Variants in GRIP2 observed in about 807,000 individuals in gnomAD.
The protein encoded by GRIP2 is glutamate receptor interacting protein 2, also known as glutamate receptor-interacting protein 2.
A neutral mutation model predicts 108.3 loss-of-function variants in GRIP2; 58 were observed. The ratio of observed to expected loss-of-function variants is 0.54; its 90% CI spans 0.43 to 0.67. The LOEUF (loss-of-function observed/expected upper bound fraction) is 0.67, where lower values mean the gene tolerates loss of function less well. Among genes scored for constraint, GRIP2 ranks in the 30% least tolerant of loss-of-function variants. The pLI, the probability that GRIP2 is intolerant of heterozygous loss-of-function variation, is 0.00. For synonymous variants in GRIP2, 586 were observed against 598.2 expected (o/e 0.98, Z 0.30); for missense variants, 1,278 against 1,430.6 (o/e 0.89, Z 1.72).
At chr3:14,524,149 G>A (rs1174778034) in intron 4 of GRIP2, 6 of 574,234 alleles carry the variant, frequency 1.0e-5, no homozygotes, top group South Asian at 2.2e-5. Context: ...CCCCGCTAAA[G>A]GAAAAGCATC....
intron 1 of GRIP2, among the ~76,000 whole-genome samples, chr3:14,530,041 G>A (rs1305790242): frequency 2.0e-5 from 3 of 152,162 alleles, no homozygotes; most frequent in Admixed American, 1.3e-4. Flanking sequence ...GAACCATGGA[G>A]GTATTATAAA....
chr3:14,556,585 C>A (rs1695240053), upstream of GRIP2, among the ~76,000 whole-genome samples: 1 of 152,222 alleles, frequency 6.6e-6, no homozygotes, highest in Admixed American at 6.5e-5. Context: ...GTGATAGGGC[C>A]ACCAGAGTAG....
chr3:14,513,601 G>C, intron 13 of GRIP2, 64 bp downstream of exon 13: 1 of 1,539,454 alleles, frequency 6.5e-7, no homozygotes, highest in Non-Finnish European at 8.8e-7. Flanking sequence ...AGGCGAGGCA[G>C]GATAAAGAGA....
the GRIP2 span, among the ~76,000 whole-genome samples, chr3:14,598,769 ATTC>A: frequency 2.6e-5 from 4 of 151,696 alleles, no homozygotes; most frequent in Non-Finnish European, 5.9e-5. Context: ...CCCTTCCTCT[ATTC>A]TTCTTTCTCT....
chr3:14,568,857 G>C, the GRIP2 span, among the ~76,000 whole-genome samples: 37 of 152,308 alleles, frequency 2.4e-4, 1 homozygote, highest in African/African-American at 8.9e-4. Flanking sequence ...TGGGCAGGCC[G>C]TGCAGTCAGA....
chr3:14,523,804 T>C, intron 4 of GRIP2, 106 bp from the exon 5 acceptor site: 2 of 776,054 alleles, frequency 2.6e-6, no homozygotes, highest in Non-Finnish European at 2.2e-6. Flanking sequence ...TCACAGAGAT[T>C]ACAGGGAGGG....
the GRIP2 span, among the ~76,000 whole-genome samples, chr3:14,591,780 G>A: frequency 1.3e-5 from 2 of 152,308 alleles, no homozygotes; most frequent in Admixed American, 6.5e-5. Flanking sequence ...CCTTCTGGGA[G>A]TACACGCCAT....
At chr3:14,581,919 T>C in the GRIP2 span, among the ~76,000 whole-genome samples, 1 of 152,194 alleles carries the variant, frequency 6.6e-6, no homozygotes, top group Non-Finnish European at 1.5e-5. Flanking sequence ...TTTTGGATGC[T>C]GGTGTTGGCA....
chr3:14,515,122 T>A (rs1229448831), intron 11 of GRIP2, among the ~76,000 whole-genome samples: 1 of 152,238 alleles, frequency 6.6e-6, no homozygotes, highest in African/African-American at 2.4e-5. Flanking sequence ...CTGCTTTCAC[T>A]TGGCATAATG....
At chr3:14,500,016 A>G (rs773067081) in intron 21 of GRIP2, among the ~76,000 whole-genome samples, 10 of 152,248 alleles carry the variant, frequency 6.6e-5, no homozygotes, top group Non-Finnish European at 1.3e-4. Context: ...AGATGTGTAG[A>G]AAAATAAGAA....
chr3:14,556,994 G>A (rs983253013), upstream of GRIP2, among the ~76,000 whole-genome samples: 14 of 152,210 alleles, frequency 9.2e-5, no homozygotes, highest in African/African-American at 3.1e-4. Context: ...TCAGGCTACA[G>A]ACCACACTCA....
chr3:14,530,812 C>A (rs1694690607), intron 1 of GRIP2, among the ~76,000 whole-genome samples: 1 of 152,176 alleles, frequency 6.6e-6, no homozygotes, highest in South Asian at 2.1e-4. Flanking sequence ...ATAATCACAT[C>A]AAAGTAAATG....
intron 21 of GRIP2, among the ~76,000 whole-genome samples, chr3:14,500,153 A>G (rs189700624): frequency 6.6e-6 from 1 of 152,384 alleles, no homozygotes; most frequent in African/African-American, 2.4e-5. Context: ...ACACAGTAGA[A>G]TAAATACAGC....
At chr3:14,516,315 C>T (rs534772698) in intron 11 of GRIP2, among the ~76,000 whole-genome samples, 1 of 152,122 alleles carries the variant, frequency 6.6e-6, no homozygotes, top group Non-Finnish European at 1.5e-5. Context: ...CTTCTTTCAC[C>T]TGGTTCTATC....
intron 9 of GRIP2, among the ~76,000 whole-genome samples, chr3:14,518,622 C>T (rs1057024793): frequency 5.9e-5 from 9 of 152,212 alleles, no homozygotes; most frequent in Non-Finnish European, 1.3e-4. Context: ...CTTCCCAGAC[C>T]GCCCCAGGCC....
At chr3:14,550,965 C>T (rs2124978700) in intron 1 of GRIP2, among the ~76,000 whole-genome samples, 1 of 152,290 alleles carries the variant, frequency 6.6e-6, no homozygotes, top group African/African-American at 2.4e-5. Context: ...TCACCTCGGC[C>T]AAGATAGCAA....
chr3:14,565,193 T>G, the GRIP2 span, among the ~76,000 whole-genome samples: 20,090 of 152,098 alleles, frequency 0.13, 1,414 homozygotes, highest in South Asian at 0.2. Context: ...GAGGCAAGAA[T>G]TAAGGGAAAG....
In GRIP2 at chr3:14,520,096, C is replaced by T. The variant is rs1363308917; in HGVS notation, c.1030+14G>A. The T allele has an allele frequency of 6.3e-7, 1 of 1,576,766 alleles. No individual in the cohort carries two copies. Among genetic ancestry groups the T allele is most frequent in the South Asian group, 1.2e-5 (1 of 85,584 alleles). ...GCCCAGGTTTGGGCCCTGAGATCTA[C>T]TGAGGGGACCCACCTGCCTCTGAGG... is the stretch of plus-strand genomic sequence containing the variant. On this transcript the variant is annotated intron_variant, in intron 9 of 23. Transcript: ENST00000621039.
the GRIP2 span, among the ~76,000 whole-genome samples, chr3:14,566,826 T>A: frequency 6.6e-6 from 1 of 152,160 alleles, no homozygotes; most frequent in Non-Finnish European, 1.5e-5. Flanking sequence ...TGACCTGGGA[T>A]GATTCTCTGC....
Sources: gnomAD v4.1 joint callset for allele counts (sites outside exome capture counted in the v4.1 genomes callset) on GRCh38, gnomAD v4.1.1 for gene constraint, MANE v1.5 for transcripts, NCBI Gene and HGNC (gene_info 2026-07-23, HGNC 2026-07-21) for gene names.